Variants in GALNTL6 observed in about 807,000 individuals in gnomAD.
The protein encoded by GALNTL6 is polypeptide N-acetylgalactosaminyltransferase-like 6.
GALNTL6 carries 46 observed loss-of-function variants against 73.7 expected under a neutral mutation model. That is an observed-to-expected ratio of 0.62 (90% CI 0.49 to 0.80). GALNTL6 has a LOEUF of 0.80. Among genes scored for constraint, GALNTL6 ranks in the 30% least tolerant of loss-of-function variants. The pLI is 0.00. For synonymous variants in GALNTL6, 259 were observed against 263.7 expected, an observed-to-expected ratio of 0.98 and a Z score of 0.17; for missense variants, 604 against 755.0, an observed-to-expected ratio of 0.80 and a Z score of 2.34.
intron 2 of GALNTL6, among the ~76,000 whole-genome samples, chr4:172,007,451 CA>C (rs1560882035): frequency 1.3e-5 from 2 of 151,424 alleles, no homozygotes; most frequent in African/African-American, 2.4e-5. Context: ...GCAGCGATGA[CA>C]AAAAAAGAAT....
intron 5 of GALNTL6, among the ~76,000 whole-genome samples, chr4:172,489,057 G>T (rs553546590): frequency 6.6e-6 from 1 of 152,112 alleles, no homozygotes; most frequent in Non-Finnish European, 1.5e-5. Flanking sequence ...TTGCCAGTTC[G>T]CATTTATACT....
At chr4:171,907,356 T>A (rs370804608) in intron 2 of GALNTL6, among the ~76,000 whole-genome samples, 8 of 151,984 alleles carry the variant, frequency 5.3e-5, no homozygotes, top group East Asian at 3.9e-4. Flanking sequence ...AACAACAGAC[T>A]AACAGAGAGC....
intron 5 of GALNTL6, among the ~76,000 whole-genome samples, chr4:172,447,147 A>G (rs987989750): frequency 6.6e-6 from 1 of 152,180 alleles, no homozygotes; most frequent in Admixed American, 6.5e-5. Context: ...ATGAAGCTGT[A>G]TGACAAGTCA....
intron 5 of GALNTL6, among the ~76,000 whole-genome samples, chr4:172,639,253 G>A (rs1035918887): frequency 1.3e-5 from 2 of 152,064 alleles, no homozygotes; most frequent in Non-Finnish European, 1.5e-5. Context: ...GCCAACTGGT[G>A]ATCCAAAACT....
At chr4:172,012,979 T>C (rs534910978) in intron 2 of GALNTL6, among the ~76,000 whole-genome samples, 2 of 152,170 alleles carry the variant, frequency 1.3e-5, no homozygotes, top group South Asian at 4.2e-4. Flanking sequence ...CCCTCACTCC[T>C]AGCAATTACT....
intron 5 of GALNTL6, among the ~76,000 whole-genome samples, chr4:172,571,071 C>T (rs887467322): frequency 2.6e-5 from 4 of 152,094 alleles, no homozygotes; most frequent in Non-Finnish European, 5.9e-5. Flanking sequence ...AACTGCTTAC[C>T]CCCCAGTGCG....
intron 9 of GALNTL6, among the ~76,000 whole-genome samples, chr4:172,937,278 G>A (rs1290929246): frequency 6.6e-6 from 1 of 152,028 alleles, no homozygotes; most frequent in South Asian, 2.1e-4. Flanking sequence ...TCGAATGCAA[G>A]GAGCATTTGT....
chr4:172,351,198 T>C (rs993833277), intron 5 of GALNTL6, among the ~76,000 whole-genome samples: 7 of 150,480 alleles, frequency 4.7e-5, no homozygotes, highest in South Asian at 2.1e-4. Flanking sequence ...TATCTATCTA[T>C]CTATCTATCT....
chr4:172,018,849 C>G (rs1053040406), intron 2 of GALNTL6, among the ~76,000 whole-genome samples: 2 of 152,054 alleles, frequency 1.3e-5, no homozygotes, highest in African/African-American at 4.8e-5. Flanking sequence ...CCTGAGGGCC[C>G]CTGTGAGATA....
chr4:172,067,446 T>C (rs1566945), intron 2 of GALNTL6, among the ~76,000 whole-genome samples: 72,220 of 151,258 alleles, frequency 0.48, 17,717 homozygotes, highest in Non-Finnish European at 0.5. Flanking sequence ...TTTGCAATTA[T>C]AACTCAGATT....
At chr4:172,314,713 T>C (rs1740484380) in intron 4 of GALNTL6, among the ~76,000 whole-genome samples, 1 of 147,580 alleles carries the variant, frequency 6.8e-6, no homozygotes, top group African/African-American at 2.5e-5. Context: ...GTTCAAGCGA[T>C]TCTCCTGCCT....
At chr4:172,205,563 T>G (rs1736081955) in intron 2 of GALNTL6, among the ~76,000 whole-genome samples, 1 of 152,238 alleles carries the variant, frequency 6.6e-6, no homozygotes, top group Non-Finnish European at 1.5e-5. Flanking sequence ...AGGACAGTTC[T>G]GACAAAGAAA....
intron 5 of GALNTL6, among the ~76,000 whole-genome samples, chr4:172,740,361 G>GTT (rs1171277182): frequency 6.6e-6 from 1 of 152,180 alleles, no homozygotes; most frequent in African/African-American, 2.4e-5. Context: ...TTATTTCTTG[G>GTT]CTTGGGTTTG....
chr4:172,113,804 G>A (rs1732918940), intron 2 of GALNTL6, among the ~76,000 whole-genome samples: 1 of 152,072 alleles, frequency 6.6e-6, no homozygotes, highest in African/African-American at 2.4e-5. Context: ...GTTCCAGCAC[G>A]ATGCTTTTTG....
rs994685776 is a variant in GALNTL6, at chr4:172,230,199, A to G, written c.247+435A>G. Among the ~76,000 whole-genome samples the G allele has an allele frequency of 2.0e-5, 3 of 152,242 alleles. No homozygotes were observed. In the East Asian group the frequency reaches 5.8e-4, roughly 30 times the overall value. On this transcript the variant is annotated intron_variant, in intron 3 of 12. Coordinates refer to ENST00000506823, the MANE Select transcript of GALNTL6 (RefSeq NM_001034845.3). ...GGGACGTACAGCAAGCCAGCAGGTC[A>G]AGCAGCTGGGGTTCTAAGGTTGGCA...
intron 5 of GALNTL6, among the ~76,000 whole-genome samples, chr4:172,679,285 C>T (rs1213280865): frequency 6.6e-6 from 1 of 151,962 alleles, no homozygotes; most frequent in African/African-American, 2.4e-5. Flanking sequence ...GTGGCAGGCG[C>T]CTGTAATCGC....
chr4:172,411,491 G>A (rs541129942), intron 5 of GALNTL6, among the ~76,000 whole-genome samples: 10 of 151,942 alleles, frequency 6.6e-5, no homozygotes, highest in Non-Finnish European at 1.5e-4. Context: ...TTGTGACTAA[G>A]TTTCCCACCT....
At chr4:172,996,795 T>C (rs1751811661) in intron 10 of GALNTL6, among the ~76,000 whole-genome samples, 2 of 152,206 alleles carry the variant, frequency 1.3e-5, no homozygotes, top group East Asian at 3.9e-4. Flanking sequence ...ACTGTATGAG[T>C]CAGGATGAAG....
At chr4:172,758,095 T>C (rs943047989) in intron 5 of GALNTL6, among the ~76,000 whole-genome samples, 10 of 152,196 alleles carry the variant, frequency 6.6e-5, no homozygotes, top group Non-Finnish European at 1.5e-4. Context: ...GGCATACACT[T>C]CTAGTCCATC....
Sources: allele counts gnomAD v4.1 joint callset (sites outside exome capture counted in the v4.1 genomes callset), GRCh38; gene constraint gnomAD v4.1.1; transcripts MANE v1.5; gene names NCBI Gene and HGNC (gene_info 2026-07-23, HGNC 2026-07-21).